The following RIF1 variants were observed in gnomAD, a reference collection of about 807,000 sequenced individuals.
The protein encoded by RIF1 is replication timing regulatory factor 1.
RIF1 carries 45 observed loss-of-function variants against 247.1 expected under a neutral mutation model. The observed-to-expected ratio is 0.18, with a 90% confidence interval of 0.14 to 0.23. RIF1 has a LOEUF of 0.23. Among genes scored for constraint, RIF1 ranks in the 10% least tolerant of loss-of-function variants. The pLI, the probability that RIF1 is intolerant of heterozygous loss-of-function variation, is 1.00. For synonymous variants in RIF1, 1,087 were observed against 978.8 expected, an observed-to-expected ratio of 1.11 and a Z score of -2.06; for missense variants, 2,967 against 2,862.5, an observed-to-expected ratio of 1.04 and a Z score of -0.83.
chr2:151,430,166 G>A (rs1393545079), intron 9 of RIF1, among the ~76,000 whole-genome samples: 4 of 151,724 alleles, frequency 2.6e-5, no homozygotes, highest in Non-Finnish European at 5.9e-5. Context: ...GATTACAGGT[G>A]CTCGTCACCA....
intron 7 of RIF1, 33 bp from the exon 8 acceptor site, chr2:151,422,917 T>G (rs772433883): frequency 7.0e-6 from 8 of 1,137,726 alleles, no homozygotes; most frequent in Non-Finnish European, 1.0e-5. Flanking sequence ...TTTCTAAGAG[T>G]CTGTTTGGTA....
chr2:151,416,517 A>G, intron 4 of RIF1, 44 bp from the exon 5 acceptor site: 3 of 1,508,074 alleles, frequency 2.0e-6, no homozygotes, highest in African/African-American at 1.4e-5. Flanking sequence ...GACTTTAAAG[A>G]GTATCACCTA....
At chr2:151,468,252 T>A in intron 31 of RIF1, 106 bp downstream of exon 31, 1 of 1,125,152 alleles carries the variant, frequency 8.9e-7, no homozygotes, top group Non-Finnish European at 1.3e-6. Flanking sequence ...TCTTCCTTGG[T>A]TTAAAATATA....
In RIF1 at chr2:151,451,648, A is replaced by G. The variant is rs752470940; in HGVS notation, c.2287A>G (p.Met763Val). Residue 763 changes from methionine to valine, a missense_variant, in exon 21 of 36, where the codon ATG (methionine) becomes GTG (valine). Met to Val is a conservative substitution (Grantham distance 21). This residue lies in a region of RIF1 where 2,028 missense variants were observed against 1,825.6 expected (regional missense o/e 1.11). Transcript: ENST00000444746. The stretch of plus-strand genomic sequence containing the variant: ...TAGAATTATTTATATTATTACTGTA[A>G]TGGTTGATTGCATTGACTTCTCACC... ...VDRIIYIITVMVDCIDFSPYN... is the reference protein window; with the variant it reads ...VDRIIYIITVVVDCIDFSPYN... 2 of 1,477,822 alleles carry G rather than the reference A, an allele frequency of 1.4e-6. No individual in the cohort carries two copies. Among genetic ancestry groups the G allele is most frequent in the African/African-American group, 2.8e-5 (2 of 72,168 alleles). The allele number at this position is 1,477,822 out of a possible 1,614,324, so 91.5% of individuals were successfully genotyped here. A position where few individuals can be genotyped will look rare whatever the true frequency, so the allele number is the denominator to read the frequency against.
chr2:151,420,270 C>A lies in RIF1; in HGVS notation c.584C>A (p.Ser195Ter). The A allele has an allele frequency of 6.2e-7, 1 of 1,614,102 alleles. No homozygotes were observed. The highest frequency in any genetic ancestry group is 8.5e-7 in the Non-Finnish European group (1 of 1,179,984). ...CTGGTCATACCTTTAGTGGTTCATT[C>A]AGCACAAAAGGTACATTTGCGGGGA... ...AKLVIPLVVHSAQKVHLRGAT... is the reference protein window; with the variant it reads ...AKLVIPLVVH The change falls in exon 7 of 36, where the codon TCA (serine) becomes TAA (stop). Residue 195 changes from serine to a stop codon, truncating the protein, a stop_gained. Coordinates refer to ENST00000444746, the MANE Select transcript of RIF1 (RefSeq NM_018151.5). LOFTEE classifies it high-confidence loss of function.
At chr2:151,416,737 G>T (rs757721698) in intron 5 of RIF1, 49 bp downstream of exon 5, 3 of 1,600,876 alleles carry the variant, frequency 1.9e-6, no homozygotes, top group Non-Finnish European at 1.7e-6. Context: ...CCAATTAAAA[G>T]AAAAAACTAT....
Position 151,428,105 on chromosome 2 carries a change from A to G in RIF1, c.787-679A>G, listed in dbSNP as rs944524188. 1.5e-4 allele frequency among the ~76,000 whole-genome samples: 23 copies of G among 151,672 alleles called. 1 individual carries two copies. Among genetic ancestry groups the G allele is most frequent in the African/African-American group, 4.8e-4 (20 of 41,298 alleles). On this transcript the variant is annotated intron_variant, in intron 8 of 35. Coordinates refer to ENST00000444746, the MANE Select transcript of RIF1 (RefSeq NM_018151.5). ...TTAGCTGGGCGTGGTAGTATTAGCC[A>G]GTAATCCCAGCTACTTGGAAGGCTG... is the stretch of plus-strand genomic sequence containing the variant.
At chr2:151,415,065 T>C (rs2152101033) in intron 4 of RIF1, 146 bp downstream of exon 4, 1 of 596,088 alleles carries the variant, frequency 1.7e-6, no homozygotes, top group Non-Finnish European at 2.9e-6. Context: ...AAAGAAAGAA[T>C]GGCTGGGTGT....
chr2:151,493,365 T>G, intron 9 of RIF1: 1 of 1,611,424 alleles, frequency 6.2e-7, no homozygotes, highest in Non-Finnish European at 8.5e-7. Flanking sequence ...AGCTAATGTT[T>G]TCTTGGTTGC....
intron 35 of RIF1, 142 bp downstream of exon 35, chr2:151,474,214 C>T: frequency 1.7e-6 from 1 of 601,256 alleles, no homozygotes; most frequent in Non-Finnish European, 3.0e-6. Flanking sequence ...GAAAAACTAA[C>T]CGATTGGACA....
chr2:151,511,371 G>A (rs1247279461), downstream of RIF1, among the ~76,000 whole-genome samples: 1 of 152,138 alleles, frequency 6.6e-6, no homozygotes, highest in African/African-American at 2.4e-5. Context: ...TATTTTTCAT[G>A]TGTAATTTTA....
chr2:151,414,333 T>C (rs1047473223), intron 3 of RIF1, among the ~76,000 whole-genome samples: 5 of 152,140 alleles, frequency 3.3e-5, no homozygotes, highest in African/African-American at 1.2e-4. Flanking sequence ...AATTCTCTTA[T>C]GTATAAGGTT....
At chr2:151,533,503 C>T in the RIF1 span, 218 of 1,551,436 alleles carry the variant, frequency 1.4e-4, no homozygotes, top group East Asian at 5.2e-3. Context: ...AATTTCATTA[C>T]ATCCATGTTG....
the RIF1 span, chr2:151,524,654 CTTTTTTTTTTTTTTTTTTTTT>C: frequency 3.9e-6 from 1 of 255,202 alleles, no homozygotes; most frequent in Non-Finnish European, 6.8e-6. Context: ...AAGAGAGAGG[CTTTTTTTTTTTTTTTTTTTTT>C]TTTTTTTTTG....
chr2:151,445,516 A>C, intron 19 of RIF1, 71 bp downstream of exon 19: 1 of 824,862 alleles, frequency 1.2e-6, no homozygotes, highest in South Asian at 1.4e-5. Flanking sequence ...ATCCTTTATA[A>C]TCAGCTTCCA....
chr2:151,498,750 A>G (rs753482224), intron 10 of RIF1, among the ~76,000 whole-genome samples: 1 of 152,204 alleles, frequency 6.6e-6, no homozygotes, highest in Non-Finnish European at 1.5e-5. Context: ...GGGTTTTACA[A>G]ACATTGTGTA....
intron 9 of RIF1, chr2:151,490,068 T>C: frequency 1.2e-6 from 2 of 1,608,758 alleles, no homozygotes; most frequent in South Asian, 1.1e-5. Context: ...GGTTTTTGCA[T>C]GTTTGTAAGC....
intron 22 of RIF1, among the ~76,000 whole-genome samples, chr2:151,456,032 A>T (rs1695138626): frequency 6.6e-6 from 1 of 152,196 alleles, no homozygotes; most frequent in Non-Finnish European, 1.5e-5. Context: ...CAAAAAATTG[A>T]ATTAATTTTG....
the RIF1 span, chr2:151,534,255 C>T: frequency 1.2e-6 from 2 of 1,613,654 alleles, no homozygotes; most frequent in Non-Finnish European, 1.7e-6. Flanking sequence ...CAGCAGATGT[C>T]TAGGCTCATC....
Sources: gnomAD v4.1 joint callset for allele counts (sites outside exome capture counted in the v4.1 genomes callset) on GRCh38, gnomAD v4.1.1 for gene constraint, gnomAD v4.1.1 regional missense constraint, MANE v1.5 for transcripts, NCBI Gene and HGNC (gene_info 2026-07-23, HGNC 2026-07-21) for gene names.